Variants in CDH18 observed in about 807,000 individuals in gnomAD.
The protein encoded by CDH18 is cadherin-18.
In CDH18, 31 loss-of-function variants were observed where a neutral mutation model predicts 67.9. That is an observed-to-expected ratio of 0.46 (90% CI 0.34 to 0.62). The LOEUF (loss-of-function observed/expected upper bound fraction) is 0.62, where lower values mean the gene tolerates loss of function less well. CDH18 is among the 20% of genes least tolerant of loss of function. The pLI, the probability that CDH18 is intolerant of heterozygous loss-of-function variation, is 0.01. For synonymous variants in CDH18, 362 were observed against 347.2 expected (o/e 1.04, Z -0.48); for missense variants, 890 against 975.5 (o/e 0.91, Z 1.17).
intron 10 of CDH18, among the ~76,000 whole-genome samples, chr5:19,518,166 T>G (rs766713233): frequency 2.0e-5 from 3 of 152,082 alleles, no homozygotes; most frequent in Non-Finnish European, 4.4e-5. Flanking sequence ...TTTAAGCATA[T>G]AAAATAATAA....
intron 1 of CDH18, among the ~76,000 whole-genome samples, chr5:20,410,642 A>G (rs1315550713): frequency 6.6e-6 from 1 of 151,506 alleles, no homozygotes; most frequent in African/African-American, 2.4e-5. Context: ...AATCCTGTGA[A>G]TCTCAGCAAG....
intron 2 of CDH18, among the ~76,000 whole-genome samples, chr5:20,184,022 C>T (rs561649506): frequency 1.1e-4 from 17 of 151,972 alleles, no homozygotes; most frequent in South Asian, 2.1e-4. Flanking sequence ...CATTTAGAAA[C>T]ATCAGTGTTC....
chr5:19,485,547 G>A (rs1309543605), intron 11 of CDH18, among the ~76,000 whole-genome samples: 21 of 152,122 alleles, frequency 1.4e-4, no homozygotes, highest in Non-Finnish European at 7.4e-5. Context: ...GAGCCACTGC[G>A]CCTGGCCAGC....
chr5:19,702,801 T>C (rs1003751604), intron 5 of CDH18, among the ~76,000 whole-genome samples: 30 of 152,142 alleles, frequency 2.0e-4, no homozygotes, highest in African/African-American at 7.2e-4. Flanking sequence ...ATGCTCATGA[T>C]TGCTATGGCA....
At chr5:20,372,803 C>A (rs1003303545) in intron 1 of CDH18, among the ~76,000 whole-genome samples, 2 of 152,060 alleles carry the variant, frequency 1.3e-5, no homozygotes, top group East Asian at 3.9e-4. Context: ...TGTTATCCAC[C>A]AATGTTCAAG....
At chr5:20,186,657 T>C (rs1327979073) in intron 2 of CDH18, among the ~76,000 whole-genome samples, 1 of 151,908 alleles carries the variant, frequency 6.6e-6, no homozygotes, top group Non-Finnish European at 1.5e-5. Flanking sequence ...GAAAATAATA[T>C]GTTGGCATTT....
rs577298041 is a variant in CDH18, at chr5:19,862,603, A to G, written c.-256-23361T>C. Among the ~76,000 whole-genome samples, 13 of 152,326 alleles carry G rather than the reference A, an allele frequency of 8.5e-5. No individual in the cohort carries two copies. The South Asian group carries it at 2.7e-3, about 32-fold the overall frequency. ...TACATTATTTAACTTCTTCTTGGGTAAACATACCTCAGTACTGCAGGCAAA... is the reference window on the plus strand; with the variant it reads ...TACATTATTTAACTTCTTCTTGGGTGAACATACCTCAGTACTGCAGGCAAA... On this transcript the variant is annotated intron_variant, in intron 2 of 12. Coordinates refer to ENST00000382275, the MANE Select transcript of CDH18 (RefSeq NM_004934.5).
At chr5:19,664,916 T>C (rs1045576421) in intron 5 of CDH18, among the ~76,000 whole-genome samples, 1 of 151,990 alleles carries the variant, frequency 6.6e-6, no homozygotes, top group Non-Finnish European at 1.5e-5. Flanking sequence ...GAATAAGGAC[T>C]GACGTAGAGT....
chr5:20,560,931 A>G (rs1758173412), intron 1 of CDH18, among the ~76,000 whole-genome samples: 1 of 152,154 alleles, frequency 6.6e-6, no homozygotes, highest in African/African-American at 2.4e-5. Flanking sequence ...AAGAAAATTA[A>G]CAAACTAAAA....
intron 2 of CDH18, among the ~76,000 whole-genome samples, chr5:20,120,813 C>T (rs2126412569): frequency 6.6e-6 from 1 of 152,290 alleles, no homozygotes; most frequent in East Asian, 1.9e-4. Flanking sequence ...TCATTCCATA[C>T]ATTAGCAACA....
At chr5:20,193,652 A>G (rs1220105500) in intron 2 of CDH18, among the ~76,000 whole-genome samples, 3 of 152,154 alleles carry the variant, frequency 2.0e-5, no homozygotes. Context: ...ACAAAAAAAG[A>G]AAACTTAATG....
At chr5:19,508,401 G>C (rs997978352) in intron 10 of CDH18, among the ~76,000 whole-genome samples, 2 of 151,932 alleles carry the variant, frequency 1.3e-5, no homozygotes, top group African/African-American at 4.8e-5. Context: ...AATTGCTTTA[G>C]TAATATAAAA....
intron 5 of CDH18, among the ~76,000 whole-genome samples, chr5:19,712,573 C>G (rs765983114): frequency 6.6e-6 from 1 of 151,096 alleles, no homozygotes; most frequent in African/African-American, 2.4e-5. Context: ...GATCAATAGA[C>G]TAAGTGAAAA....
intron 9 of CDH18, among the ~76,000 whole-genome samples, chr5:19,525,757 C>T (rs1327838197): frequency 1.3e-5 from 2 of 152,020 alleles, no homozygotes; most frequent in Non-Finnish European, 2.9e-5. Flanking sequence ...ACCCATGGGT[C>T]TCTATATATT....
intron 3 of CDH18, among the ~76,000 whole-genome samples, chr5:19,811,944 A>C (rs1483871218): frequency 1.3e-5 from 2 of 152,190 alleles, no homozygotes; most frequent in Non-Finnish European, 2.9e-5. Context: ...GGGAGGAAGA[A>C]GGGGATAGAA....
chr5:20,339,585 A>G (rs1173837533), intron 1 of CDH18, among the ~76,000 whole-genome samples: 1 of 152,084 alleles, frequency 6.6e-6, no homozygotes, highest in African/African-American at 2.4e-5. Context: ...ATCCTGCCCA[A>G]CTTATCCAGG....
intron 4 of CDH18, among the ~76,000 whole-genome samples, chr5:19,730,834 A>G (rs1485662962): frequency 6.6e-6 from 1 of 152,086 alleles, no homozygotes; most frequent in Non-Finnish European, 1.5e-5. Flanking sequence ...TAAGTAGAAG[A>G]ACAGCATCAC....
intron 1 of CDH18, among the ~76,000 whole-genome samples, chr5:20,298,987 T>C (rs772625546): frequency 2.0e-5 from 3 of 152,048 alleles, no homozygotes; most frequent in African/African-American, 4.8e-5. Context: ...TGGGGAGATA[T>C]AGGAGATAAA....
In CDH18 at chr5:20,415,425, A is replaced by G. The variant is rs537529712; in HGVS notation, c.-579-159920T>C. ...AAAGTGTAGTACATACATACAATGG[A>G]ATATCATTCAATGTAGTACATACAT... On this transcript the variant is annotated intron_variant, in intron 1 of 14. Transcript: ENST00000507958. 5.3e-5 allele frequency among the ~76,000 whole-genome samples: 8 copies of G among 152,256 alleles called. No individual in the cohort carries two copies. The South Asian group carries it at 1.7e-3, about 32-fold the overall frequency.
Sources: allele counts gnomAD v4.1 joint callset (sites outside exome capture counted in the v4.1 genomes callset), GRCh38; gene constraint gnomAD v4.1.1; transcripts MANE v1.5; gene names NCBI Gene and HGNC (gene_info 2026-07-23, HGNC 2026-07-21).